Variants in ATE1 observed in about 807,000 individuals in gnomAD.
ATE1 encodes the protein arginyl-tRNA--protein transferase 1.
In ATE1, 36 loss-of-function variants were observed where a neutral mutation model predicts 70.5. The ratio of observed to expected loss-of-function variants is 0.51; its 90% confidence interval spans 0.39 to 0.67. The LOEUF (loss-of-function observed/expected upper bound fraction) is 0.67. Among genes scored for constraint, ATE1 ranks in the 30% least tolerant of loss-of-function variants. The pLI, the probability that ATE1 is intolerant of heterozygous loss-of-function variation, is 0.00. For synonymous variants in ATE1, 232 were observed against 219.3 expected (o/e 1.06, Z -0.51); for missense variants, 593 against 629.5 (o/e 0.94, Z 0.62).
chr10:121,773,022 T>C (rs1590257357), intron 11 of ATE1, among the ~76,000 whole-genome samples: 3 of 152,330 alleles, frequency 2.0e-5, no homozygotes, highest in African/African-American at 7.2e-5. Flanking sequence ...AAACCTCTTA[T>C]AGCTACTCAG....
At chr10:121,752,948 A>G (rs1289341363) in intron 11 of ATE1, among the ~76,000 whole-genome samples, 1 of 152,224 alleles carries the variant, frequency 6.6e-6, no homozygotes, top group Non-Finnish European at 1.5e-5. Context: ...CTACCATCTT[A>G]ACAATATTAA....
Position 121,902,508 on chromosome 10 carries a change from G to T in ATE1, c.696C>A (p.Phe232Leu), listed in dbSNP as rs1951020925. Reference sequence around the variant, plus strand: ...AAGATGGTGGGTGACCTTGAGCCTGGAAACCCTCAAGTTCTCCAGCTGGGT... The same window carrying T: ...AAGATGGTGGGTGACCTTGAGCCTGTAAACCCTCAAGTTCTCCAGCTGGGT... ...QQNPAGELEG[F>L]QAQGHPPSLF... The change falls in exon 6 of 12, where the codon TTC becomes TTA. Residue 232 changes from phenylalanine to leucine, a missense_variant. Around this residue, in one of 3 missense-constraint regions of ATE1, gnomAD observed 467 missense variants for 469.6 expected, o/e 0.99. Coordinates refer to ENST00000224652, the MANE Select transcript of ATE1 (RefSeq NM_001001976.3). 2 of 1,614,036 alleles carry T rather than the reference G, an allele frequency of 1.2e-6. No homozygotes were observed. Among genetic ancestry groups the T allele is most frequent in the South Asian group, 1.1e-5 (1 of 91,090 alleles).
intron 10 of ATE1, among the ~76,000 whole-genome samples, chr10:121,806,927 T>C (rs1245202257): frequency 6.6e-6 from 1 of 152,158 alleles, no homozygotes; most frequent in African/African-American, 2.4e-5. Flanking sequence ...ACTCCTCTCT[T>C]CCCTCCTACC....
At chr10:121,860,290 A>C (rs542980963) in intron 8 of ATE1, among the ~76,000 whole-genome samples, 1 of 152,306 alleles carries the variant, frequency 6.6e-6, no homozygotes, top group Admixed American at 6.5e-5. Flanking sequence ...AGAAAGACCA[A>C]AGCCTGAAAT....
At position 121,841,126 on chromosome 10, in the gene ATE1, A is replaced by G; in HGVS notation, c.1113T>C (p.Asp371=). The change falls in exon 9 of 12, where the codon GAT becomes GAC. Residue 371 remains aspartate (D), a synonymous_variant. Coordinates refer to ENST00000224652, the MANE Select transcript of ATE1 (RefSeq NM_001001976.3). The part of the protein sequence containing the change: ...NCVSSVYLYY[D]PDYSFLSLGV... ...CCAAAGACAAAAACGAATAATCAGG[A>G]TCGTAGTACAAATACACAGATGATA... 1.3e-6 allele frequency: 2 copies of G among 1,584,540 alleles called. No individual in the cohort carries two copies. The highest frequency in any genetic ancestry group is 1.7e-6 in the Non-Finnish European group (2 of 1,161,946).
chr10:121,885,567 CAAAAAA>C (rs397826119), intron 7 of ATE1, among the ~76,000 whole-genome samples: 1 of 96,096 alleles, frequency 1.0e-5, no homozygotes, highest in Non-Finnish European at 1.9e-5. Flanking sequence ...GACTCCGTCT[CAAAAAA>C]AAAAAAAAAA....
intron 6 of ATE1, among the ~76,000 whole-genome samples, chr10:121,902,123 A>G (rs1303786542): frequency 6.6e-6 from 1 of 152,178 alleles, no homozygotes; most frequent in Non-Finnish European, 1.5e-5. Context: ...CAATCAAGGT[A>G]GCATGCTAAA....
intron 10 of ATE1, among the ~76,000 whole-genome samples, chr10:121,826,340 T>A (rs1465022239): frequency 6.6e-6 from 1 of 152,176 alleles, no homozygotes; most frequent in African/African-American, 2.4e-5. Context: ...GGAGTCTCGC[T>A]CTGTTGCCAG....
At chr10:121,765,766 G>A (rs552424490) in intron 11 of ATE1, among the ~76,000 whole-genome samples, 1 of 152,156 alleles carries the variant, frequency 6.6e-6, no homozygotes, top group Admixed American at 6.5e-5. Context: ...AAATAACCTC[G>A]GTTGTCACTT....
At chr10:121,889,084 G>T (rs1950499959) in intron 7 of ATE1, among the ~76,000 whole-genome samples, 1 of 152,078 alleles carries the variant, frequency 6.6e-6, no homozygotes, top group Non-Finnish European at 1.5e-5. Flanking sequence ...CACCATCTCA[G>T]CTCACGGCAA....
In ATE1 at chr10:121,927,875, G is replaced by A. The variant is rs1193071304; in HGVS notation, c.75C>T (p.Tyr25=). The A allele has an allele frequency of 3.1e-6, 5 of 1,587,844 alleles. No individual in the cohort carries two copies. The highest frequency in any genetic ancestry group is 3.5e-5 in the Admixed American group (2 of 57,686). Residue 25 remains tyrosine, a synonymous_variant, in exon 1 of 12, where the codon TAC becomes TAT. Coordinates refer to ENST00000224652, the MANE Select transcript of ATE1 (RefSeq NM_001001976.3). The part of the protein sequence containing the change: ...FPSEDFYRCG[Y]CKNESGSRSN... ...AGCGGCTGCCCGACTCGTTCTTGCA[G>A]TAGCCGCAGCGGTAGAAGTCCTCGC...
chr10:121,846,640 C>T (rs1948833271), intron 8 of ATE1: 1 of 152,114 alleles, frequency 6.6e-6, no homozygotes, highest in South Asian at 2.1e-4. Context: ...TAACTGATAA[C>T]AACCAGTACA....
intron 5 of ATE1, among the ~76,000 whole-genome samples, chr10:121,905,902 G>T (rs1052884608): frequency 1.3e-5 from 2 of 151,942 alleles, no homozygotes; most frequent in Non-Finnish European, 2.9e-5. Flanking sequence ...GATCTCCCAG[G>T]TCAATAAATT....
chr10:121,851,190 C>T (rs1301492120), intron 8 of ATE1, among the ~76,000 whole-genome samples: 4 of 143,732 alleles, frequency 2.8e-5, no homozygotes, highest in Admixed American at 7.1e-5. Flanking sequence ...GAGGCTGCGG[C>T]GGGCAGATCG....
intron 8 of ATE1, among the ~76,000 whole-genome samples, chr10:121,867,240 T>C (rs937404172): frequency 2.0e-5 from 3 of 152,150 alleles, no homozygotes; most frequent in African/African-American, 4.8e-5. Context: ...TCAATGAGCT[T>C]ACATTTGAGA....
intron 7 of ATE1, among the ~76,000 whole-genome samples, chr10:121,892,553 T>C (rs1263038765): frequency 4.0e-5 from 6 of 150,388 alleles, no homozygotes; most frequent in African/African-American, 9.8e-5. Context: ...CTCGCCAAGG[T>C]TGGAGCGCAA....
rs1951915009 is a variant in ATE1, at chr10:121,922,355, G to A, written c.227C>T (p.Thr76Ile). Residue 76 changes from threonine to isoleucine, a missense_variant, in exon 3 of 12, where the codon ACA becomes ATA. By Grantham distance (89) the Thr-to-Ile change is moderately conservative. Around this residue, in one of 3 missense-constraint regions of ATE1, gnomAD observed 467 missense variants for 469.6 expected, o/e 0.99. Coordinates refer to ENST00000224652, the MANE Select transcript of ATE1 (RefSeq NM_001001976.3). ...VMNQTCCPQY[T>I]IRCRPLQFQP... is the part of the protein sequence containing the mutation. Reference sequence around the variant, plus strand: ...TACTAATTAAAATTCTTACCTTATTGTGTACTGAGGACAACATGTTTGATT... The same window carrying A: ...TACTAATTAAAATTCTTACCTTATTATGTACTGAGGACAACATGTTTGATT... 1 of 1,587,664 alleles carries A rather than the reference G, an allele frequency of 6.3e-7. No individual in the cohort carries two copies. Among genetic ancestry groups the A allele is most frequent in the African/African-American group, 1.3e-5 (1 of 74,316 alleles).
chr10:121,887,319 C>T (rs1364503822), intron 7 of ATE1, among the ~76,000 whole-genome samples: 2 of 152,176 alleles, frequency 1.3e-5, no homozygotes, highest in Non-Finnish European at 1.5e-5. Flanking sequence ...ATACATACAC[C>T]TGAATATAAG....
At chr10:121,879,826 C>T (rs1051636666) in intron 7 of ATE1, among the ~76,000 whole-genome samples, 2 of 152,186 alleles carry the variant, frequency 1.3e-5, no homozygotes, top group Non-Finnish European at 2.9e-5. Context: ...TGGGAACATC[C>T]ATGTCCTCCA....
Sources: allele counts gnomAD v4.1 joint callset (sites outside exome capture counted in the v4.1 genomes callset), GRCh38; gene constraint gnomAD v4.1.1; regional missense constraint gnomAD v4.1.1; transcripts MANE v1.5; gene names NCBI Gene and HGNC (gene_info 2026-07-23, HGNC 2026-07-21).